Variants in BCL11B observed in about 807,000 individuals in gnomAD.
The protein encoded by BCL11B is B-cell lymphoma/leukemia 11B.
A neutral mutation model predicts 49.9 loss-of-function variants in BCL11B; 8 were observed. That is an observed-to-expected ratio of 0.16 (90% CI 0.09 to 0.29). The LOEUF (loss-of-function observed/expected upper bound fraction) is 0.29. BCL11B is among the 10% of genes least tolerant of loss of function. BCL11B has a pLI of 1.00. For missense variants in BCL11B, 1,006 were observed against 1,351.0 expected (o/e 0.74, Z 4.00); for synonymous variants, 739 against 637.4 (o/e 1.16, Z -2.40).
chr14:99,267,047 G>C (rs1540840), intron 1 of BCL11B, among the ~76,000 whole-genome samples: 49,628 of 151,902 alleles, frequency 0.33, 10,604 homozygotes, highest in Non-Finnish European at 0.48. Context: ...CCAAAGTTGG[G>C]CTTCCCTTGG....
At chr14:99,263,333 C>CA (rs1889391404) in intron 1 of BCL11B, 1 of 153,364 alleles carries the variant, frequency 6.5e-6, no homozygotes, top group Non-Finnish European at 1.5e-5. Flanking sequence ...ACCTCGATCG[C>CA]CGTTTCTGAC....
intron 3 of BCL11B, among the ~76,000 whole-genome samples, chr14:99,203,188 C>T (rs1353306359): frequency 2.0e-5 from 3 of 152,190 alleles, no homozygotes; most frequent in Admixed American, 6.5e-5. Flanking sequence ...TCTCGTTCCC[C>T]ATGGCCGCAG....
rs74080371 is a variant in BCL11B, at chr14:99,227,375, C to T, written c.640+3970G>A. Among the ~76,000 whole-genome samples, 958 of 152,228 alleles carry T rather than the reference C, an allele frequency of 6.3e-3. 7 individuals are homozygous for T. Among genetic ancestry groups the T allele is most frequent in the African/African-American group, 0.022 (897 of 41,536 alleles). On this transcript the variant is annotated intron_variant, in intron 3 of 3. Coordinates refer to ENST00000357195, the MANE Select transcript of BCL11B (RefSeq NM_138576.4). ...TCAGAGCCTGTCCTATCCTTAGCTC[C>T]ATTTTATAGATGGGGAAACTGAGGG...
At chr14:99,256,812 G>A (rs776226226) in intron 2 of BCL11B, among the ~76,000 whole-genome samples, 4 of 152,124 alleles carry the variant, frequency 2.6e-5, no homozygotes, top group Non-Finnish European at 4.4e-5. Context: ...CTCCCCCAAC[G>A]GGCACAGTGC....
At chr14:99,214,990 G>C (rs919347093) in intron 3 of BCL11B, among the ~76,000 whole-genome samples, 3 of 152,096 alleles carry the variant, frequency 2.0e-5, no homozygotes, top group Admixed American at 6.6e-5. Flanking sequence ...TCCTCCTGAC[G>C]GCACTGTCAC....
intron 3 of BCL11B, among the ~76,000 whole-genome samples, chr14:99,220,705 A>G (rs1182229018): frequency 6.6e-6 from 1 of 152,206 alleles, no homozygotes; most frequent in Non-Finnish European, 1.5e-5. Context: ...CGAACTGTGC[A>G]CTTAAAAATT....
intron 3 of BCL11B, among the ~76,000 whole-genome samples, chr14:99,214,676 A>T (rs539287071): frequency 1.4e-4 from 21 of 151,482 alleles, no homozygotes; most frequent in Admixed American, 2.6e-4. Context: ...TTAAAAAAAT[A>T]AATAAATAAA....
At position 99,271,759 on chromosome 14, in the gene BCL11B, AAG is replaced by A. The variant is rs1472081534; in HGVS notation, c.-543_-542del. 6.6e-6 allele frequency among the ~76,000 whole-genome samples: 1 copy of A among 151,322 alleles called. No homozygotes were observed. The highest frequency in any genetic ancestry group is 2.5e-5 in the African/African-American group (1 of 40,700). The stretch of plus-strand genomic sequence containing the variant: ...AAAATGCAAACAAATAAAAAAATAA[AAG>A]AAGAAAAAGCAAAGGAAAAAAAAAA... On this transcript the variant is annotated 5_prime_UTR_variant, in exon 1 of 4. Transcript: ENST00000357195.
In BCL11B at chr14:99,254,233, C is replaced by G. The variant is rs192235909; in HGVS notation, c.427+3238G>C. On this transcript the variant is annotated intron_variant, in intron 2 of 3. Transcript: ENST00000357195. ...GAAAACAAAGCTTCAGAAACTTCCT[C>G]CCTCTACCTTCCTACTTCTCTATCA... Among the ~76,000 whole-genome samples, 8 of 152,340 alleles carry G rather than the reference C, an allele frequency of 5.3e-5. No individual in the cohort carries two copies. In the East Asian group the frequency reaches 1.3e-3, roughly 26 times the overall value.
chr14:99,200,063 C>T (rs1257434), intron 3 of BCL11B, among the ~76,000 whole-genome samples: 88,010 of 151,556 alleles, frequency 0.58, 26,524 homozygotes, highest in African/African-American at 0.69. Context: ...CTCCATCCCT[C>T]GGCTTCAAAA....
intron 3 of BCL11B, among the ~76,000 whole-genome samples, chr14:99,183,166 C>T (rs770751167): frequency 1.3e-5 from 2 of 152,108 alleles, no homozygotes; most frequent in Admixed American, 6.5e-5. Context: ...AAGGGTTTGA[C>T]TCACCTTGGG....
chr14:99,176,409 C>G (rs1335511070), intron 3 of BCL11B, among the ~76,000 whole-genome samples: 1 of 152,172 alleles, frequency 6.6e-6, no homozygotes, highest in Admixed American at 6.5e-5. Flanking sequence ...GGCGGGCCGC[C>G]CTGGCCACCC....
At chr14:99,254,290 T>C (rs200369382) in intron 2 of BCL11B, among the ~76,000 whole-genome samples, 1 of 152,124 alleles carries the variant, frequency 6.6e-6, no homozygotes, top group East Asian at 1.9e-4. Context: ...CAGTAATTAC[T>C]CTCCAGAATG....
Position 99,231,680 on chromosome 14 carries a change from C to G in BCL11B, c.428-123G>C. On this transcript the variant is annotated intron_variant, in intron 2 of 3. Coordinates refer to ENST00000357195, the MANE Select transcript of BCL11B (RefSeq NM_138576.4). The surrounding 1 kb of genome is among the most constrained non-coding windows in gnomAD (Gnocchi z 8.1). ...GCCACCCTTCGGGGGTGGGAGGCCC[C>G]CGGGGTGCCAGGCCCTGCAGGGAAG... 7.7e-6 allele frequency: 8 copies of G among 1,044,144 alleles called. 1 individual carries two copies. Among genetic ancestry groups the G allele is most frequent in the Non-Finnish European group, 1.1e-5 (8 of 719,836 alleles). The allele number at this position is 1,044,144 out of a possible 1,614,324, so 64.7% of individuals were successfully genotyped here. A position where few individuals can be genotyped will look rare whatever the true frequency, so the allele number is the denominator to read the frequency against.
rs1173573120 is a variant in BCL11B, at chr14:99,231,736, C to A, written c.428-179G>T. Reference sequence around the variant, plus strand: ...CGGGACACAGGCGAGGGAATGGGCTCGGGGAGGTGGGCAGGGGGCACTGGG... The same window carrying A: ...CGGGACACAGGCGAGGGAATGGGCTAGGGGAGGTGGGCAGGGGGCACTGGG... On this transcript the variant is annotated intron_variant, in intron 2 of 3. Transcript: ENST00000357195. This position sits in a 1 kb window ranked among gnomAD's most constrained non-coding sequence, Gnocchi z 8.1. 7.5e-6 allele frequency among the ~76,000 whole-genome samples: 1 copy of A among 133,744 alleles called. No homozygotes were observed. The highest frequency in any genetic ancestry group is 1.6e-5 in the Non-Finnish European group (1 of 62,648). The allele number at this position is 133,744 out of a possible 152,430, so 87.7% of individuals were successfully genotyped here. A position where few individuals can be genotyped will look rare whatever the true frequency, so the allele number is the denominator to read the frequency against.
intron 3 of BCL11B, among the ~76,000 whole-genome samples, chr14:99,224,914 C>A (rs912110690): frequency 2.0e-5 from 3 of 152,176 alleles, no homozygotes; most frequent in African/African-American, 4.8e-5. Flanking sequence ...CACATCCATG[C>A]CACAGAGCCC....
At position 99,174,042 on chromosome 14, in the gene BCL11B, G is replaced by A. The variant is rs1886380162; in HGVS notation, c.*109C>T. On this transcript the variant is annotated 3_prime_UTR_variant, in exon 4 of 4. Transcript: ENST00000357195. ...GGAGTGCCGCCTCCCCTGGGCCCCG[G>A]GGACACGCGGGGTGCGGGGTGGCGG... is the stretch of plus-strand genomic sequence containing the variant. 4.3e-6 allele frequency: 5 copies of A among 1,167,158 alleles called. No individual in the cohort carries two copies. 72.3% of individuals were successfully genotyped at this position (1,167,158 alleles called of 1,614,324 possible). A position where few individuals can be genotyped will look rare whatever the true frequency, so the allele number is the denominator to read the frequency against.
rs191140436 is a variant in BCL11B, at chr14:99,170,637, C to T, written c.*3514G>A. On this transcript the variant is annotated 3_prime_UTR_variant, in exon 4 of 4. Coordinates refer to ENST00000357195, the MANE Select transcript of BCL11B (RefSeq NM_138576.4). ...GGAAACGCAGGGGAAGGAGAGAGAA[C>T]GAGATATGGAAAGGCACCAAATTCA... 2.2e-4 allele frequency: 52 copies of T among 232,734 alleles called. No homozygotes were observed. The highest frequency in any genetic ancestry group is 2.9e-4 in the African/African-American group (13 of 45,208). The allele number at this position is 232,734 out of a possible 1,614,324, so 14.4% of individuals were successfully genotyped here.
chr14:99,198,076 G>GAA (rs1410899030), intron 3 of BCL11B, among the ~76,000 whole-genome samples: 2 of 152,222 alleles, frequency 1.3e-5, no homozygotes, highest in Non-Finnish European at 2.9e-5. Context: ...GTGGGAGGAG[G>GAA]AGCTAATGAA....
Sources: gnomAD v4.1 joint callset for allele counts (sites outside exome capture counted in the v4.1 genomes callset) on GRCh38, gnomAD v4.1.1 for gene constraint, Gnocchi (gnomAD v3.1) non-coding constraint, MANE v1.5 for transcripts, NCBI Gene and HGNC (gene_info 2026-07-23, HGNC 2026-07-21) for gene names.